Variants in MAGI2 observed in about 807,000 individuals in gnomAD.
MAGI2 encodes membrane-associated guanylate kinase, WW and PDZ domain-containing protein 2.
A neutral mutation model predicts 133.3 loss-of-function variants in MAGI2; 35 were observed. The observed-to-expected ratio is 0.26, with a 90% CI of 0.20 to 0.35. The LOEUF is 0.35. MAGI2 is among the 10% of genes least tolerant of loss of function. The probability of loss-of-function intolerance (pLI) is 1.00; values close to 1 mark genes in which losing one functional copy is unlikely to be tolerated. For missense variants in MAGI2, 1,636 were observed against 1,863.4 expected, an observed-to-expected ratio of 0.88 and a Z score of 2.25; for synonymous variants, 729 against 710.6, an observed-to-expected ratio of 1.03 and a Z score of -0.41.
chr7:78,496,379 T>A (rs1794085778), intron 5 of MAGI2, among the ~76,000 whole-genome samples: 1 of 152,186 alleles, frequency 6.6e-6, no homozygotes, highest in South Asian at 2.1e-4. Flanking sequence ...TCTTTTTGTT[T>A]TTTGCCAAAG....
intron 2 of MAGI2, among the ~76,000 whole-genome samples, chr7:78,966,996 G>A (rs1054806083): frequency 6.6e-6 from 1 of 151,982 alleles, no homozygotes; most frequent in African/African-American, 2.4e-5. Flanking sequence ...CCAGGCTGGA[G>A]TGCAGTGGTA....
intron 2 of MAGI2, among the ~76,000 whole-genome samples, chr7:78,883,759 A>G (rs1796059919): frequency 6.6e-6 from 1 of 152,084 alleles, no homozygotes; most frequent in South Asian, 2.1e-4. Context: ...GGGGGAAAGG[A>G]CTCCCTATTT....
intron 21 of MAGI2, among the ~76,000 whole-genome samples, chr7:78,064,982 T>A (rs1563073350): frequency 6.6e-6 from 1 of 151,994 alleles, no homozygotes. Context: ...ATGACTACTT[T>A]AAAAAAAATA....
intron 1 of MAGI2, among the ~76,000 whole-genome samples, chr7:79,315,604 AG>A (rs1174405565): frequency 1.3e-5 from 2 of 152,136 alleles, no homozygotes; most frequent in African/African-American, 4.8e-5. Flanking sequence ...AACGTACCAC[AG>A]CTGTATCATA....
At chr7:78,480,253 A>G (rs1176227135) in intron 6 of MAGI2, among the ~76,000 whole-genome samples, 1 of 151,930 alleles carries the variant, frequency 6.6e-6, no homozygotes, top group Admixed American at 6.6e-5. Context: ...TTTACCAAAT[A>G]TTTAAAGAAA....
intron 4 of MAGI2, among the ~76,000 whole-genome samples, chr7:78,513,264 G>C (rs887827692): frequency 6.6e-6 from 1 of 152,102 alleles, no homozygotes; most frequent in Non-Finnish European, 1.5e-5. Flanking sequence ...ATTCTTTGGG[G>C]CAAAATTGGA....
At chr7:78,102,000 A>G (rs909217390) in intron 20 of MAGI2, among the ~76,000 whole-genome samples, 1 of 152,200 alleles carries the variant, frequency 6.6e-6, no homozygotes, top group Admixed American at 6.5e-5. Flanking sequence ...AAAATGGAAT[A>G]TATATATGAA....
chr7:79,197,595 C>A (rs568035743), intron 1 of MAGI2, among the ~76,000 whole-genome samples: 1 of 152,100 alleles, frequency 6.6e-6, no homozygotes, highest in East Asian at 1.9e-4. Flanking sequence ...AACTCTGCAG[C>A]CTGAGTTGGA....
intron 1 of MAGI2, among the ~76,000 whole-genome samples, chr7:79,096,263 T>C (rs1817502630): frequency 6.6e-6 from 1 of 152,178 alleles, no homozygotes; most frequent in Non-Finnish European, 1.5e-5. Flanking sequence ...TATTCCCCAG[T>C]GCCCTCCCAG....
chr7:78,134,879 AAT>A, intron 17 of MAGI2, 140 bp downstream of exon 17: 1 of 674,986 alleles, frequency 1.5e-6, no homozygotes, highest in Non-Finnish European at 2.5e-6. Flanking sequence ...CAAAAGTGGA[AAT>A]AATAATCAAC....
chr7:78,187,364 C>T (rs920815105), intron 12 of MAGI2, among the ~76,000 whole-genome samples: 2 of 151,942 alleles, frequency 1.3e-5, no homozygotes, highest in African/African-American at 2.4e-5. Context: ...AGAGCATTTA[C>T]AGAGGAGGCA....
At chr7:78,162,824 C>T (rs1390940530) in intron 15 of MAGI2, among the ~76,000 whole-genome samples, 1 of 152,146 alleles carries the variant, frequency 6.6e-6, no homozygotes, top group African/African-American at 2.4e-5. Flanking sequence ...GCCCTTGACA[C>T]TTAAAAACTG....
intron 9 of MAGI2, among the ~76,000 whole-genome samples, chr7:78,338,300 A>G (rs1325809359): frequency 1.3e-5 from 2 of 152,094 alleles, no homozygotes; most frequent in African/African-American, 2.4e-5. Flanking sequence ...GCCTCTCTGC[A>G]TGTGCTATTT....
chr7:78,088,597 A>C (rs1349277533), intron 20 of MAGI2, among the ~76,000 whole-genome samples: 2 of 152,222 alleles, frequency 1.3e-5, no homozygotes, highest in Non-Finnish European at 2.9e-5. Context: ...AGTCTGAAAG[A>C]CATCAGGGAG....
chr7:78,663,268 C>T (rs183344948), intron 2 of MAGI2, among the ~76,000 whole-genome samples: 1 of 146,216 alleles, frequency 6.8e-6, no homozygotes, highest in African/African-American at 2.5e-5. Context: ...GTGCAGTGGC[C>T]TGATCTCTGC....
intron 2 of MAGI2, among the ~76,000 whole-genome samples, chr7:78,913,005 A>G (rs1436928011): frequency 1.3e-5 from 2 of 152,032 alleles, no homozygotes; most frequent in African/African-American, 2.4e-5. Context: ...AAGAGAAAGC[A>G]TCTGAAGCAG....
chr7:78,084,186 C>T (rs11761615), intron 20 of MAGI2, among the ~76,000 whole-genome samples: 30,989 of 152,140 alleles, frequency 0.2, 3,164 homozygotes, highest in South Asian at 0.24. Flanking sequence ...CTTTGGAATA[C>T]TATACCAATA....
At chr7:79,340,869 G>C (rs1585633589) in intron 1 of MAGI2, among the ~76,000 whole-genome samples, 1 of 152,044 alleles carries the variant, frequency 6.6e-6, no homozygotes, top group East Asian at 1.9e-4. Flanking sequence ...ATTTACCTGA[G>C]GTTTCAGGAA....
chr7:79,314,462 T>C (rs1410360002), intron 1 of MAGI2, among the ~76,000 whole-genome samples: 4 of 152,202 alleles, frequency 2.6e-5, no homozygotes, highest in African/African-American at 7.2e-5. Flanking sequence ...CTCTGACCCA[T>C]ATAATTCAAA....
Sources: allele counts gnomAD v4.1 joint callset (sites outside exome capture counted in the v4.1 genomes callset), GRCh38; gene constraint gnomAD v4.1.1; transcripts MANE v1.5; gene names NCBI Gene and HGNC (gene_info 2026-07-23, HGNC 2026-07-21).